Variants in MECOM observed in about 807,000 individuals in gnomAD.
MECOM encodes the protein MDS1 and EVI1 complex locus, also known as histone-lysine N-methyltransferase MECOM.
MECOM carries 13 observed loss-of-function variants against 116.3 expected under a neutral mutation model. The ratio of observed to expected loss-of-function variants is 0.11; its 90% CI spans 0.07 to 0.18. The LOEUF (loss-of-function observed/expected upper bound fraction) is 0.18. MECOM is among the 10% of genes least tolerant of loss of function. The pLI, the probability that MECOM is intolerant of heterozygous loss-of-function variation, is 1.00. For missense variants in MECOM, 1,299 were observed against 1,509.0 expected, an observed-to-expected ratio of 0.86 and a Z score of 2.31; for synonymous variants, 528 against 535.2, an observed-to-expected ratio of 0.99 and a Z score of 0.19.
At chr3:169,312,098 G>C (rs12629664) in intron 2 of MECOM, among the ~76,000 whole-genome samples, 9,544 of 152,192 alleles carry the variant, frequency 0.063, 354 homozygotes, top group East Asian at 0.16. Flanking sequence ...CGCCACTAGA[G>C]AGTCTGGAAC....
intron 1 of MECOM, among the ~76,000 whole-genome samples, chr3:169,522,216 T>C (rs1173672614): frequency 6.6e-6 from 1 of 152,210 alleles, no homozygotes; most frequent in Non-Finnish European, 1.5e-5. Context: ...ATGCTTCTCA[T>C]GGAAAATTAT....
chr3:169,149,931 CTCTCTGTGTGTG>C (rs1399617706), intron 2 of MECOM, among the ~76,000 whole-genome samples: 12 of 124,352 alleles, frequency 9.7e-5, no homozygotes, highest in South Asian at 6.0e-4. Context: ...CTCTTTCTCT[CTCTCTGTGTGTG>C]TGTGTGTGTG....
intron 1 of MECOM, among the ~76,000 whole-genome samples, chr3:169,500,496 C>T (rs1754394255): frequency 6.6e-6 from 1 of 151,896 alleles, no homozygotes; most frequent in South Asian, 2.1e-4. Context: ...ATTTTGAATA[C>T]TGCAAAATAA....
At chr3:169,101,937 G>T in intron 11 of MECOM, 123 bp downstream of exon 11, 1 of 836,026 alleles carries the variant, frequency 1.2e-6, no homozygotes, top group Non-Finnish European at 1.8e-6. Flanking sequence ...TTGAAGTGCT[G>T]GAGATCTATT....
intron 2 of MECOM, among the ~76,000 whole-genome samples, chr3:169,341,414 G>A (rs1285835042): frequency 7.0e-6 from 1 of 143,492 alleles, no homozygotes; most frequent in East Asian, 2.1e-4. Flanking sequence ...GGGGGAGGTG[G>A]AGAGGGTTAA....
chr3:169,112,874 T>C lies in MECOM; in HGVS notation c.2490A>G (p.Arg830=). The change falls in exon 9 of 17, where the codon AGA becomes AGG. Residue 830 remains arginine (R), a splice_region_variant and synonymous_variant. Transcript: ENST00000651503. ...PTPFFMDPIY[R]VEKRKLTDPL... ...GGTCAGTTAGTTTTCTTTTCTCTAC[T>C]CTGAAAGGTTAAAATTAGATTTTGG... 6.2e-7 allele frequency: 1 copy of C among 1,607,338 alleles called. No homozygotes were observed. Among genetic ancestry groups the C allele is most frequent in the Non-Finnish European group, 8.5e-7 (1 of 1,175,116 alleles).
At chr3:169,538,355 T>G (rs1759643552) in intron 1 of MECOM, among the ~76,000 whole-genome samples, 1 of 152,196 alleles carries the variant, frequency 6.6e-6, no homozygotes, top group South Asian at 2.1e-4. Flanking sequence ...CTCTCCACAC[T>G]ATGACAACAC....
intron 2 of MECOM, among the ~76,000 whole-genome samples, chr3:169,331,347 G>C (rs1029094195): frequency 6.6e-6 from 1 of 151,954 alleles, no homozygotes; most frequent in Non-Finnish European, 1.5e-5. Context: ...CTCACCTAAA[G>C]ACTGGGAACC....
chr3:169,524,039 A>ATAT (rs1757688646), intron 1 of MECOM, among the ~76,000 whole-genome samples: 26 of 138,240 alleles, frequency 1.9e-4, no homozygotes, highest in African/African-American at 6.3e-4. Flanking sequence ...TATATGAATA[A>ATAT]ATATATATAT....
intron 2 of MECOM, among the ~76,000 whole-genome samples, chr3:169,248,345 G>C (rs1317450249): frequency 6.6e-6 from 1 of 152,180 alleles, no homozygotes; most frequent in Non-Finnish European, 1.5e-5. Flanking sequence ...CTAAAGCAAA[G>C]CTCAACTCAG....
intron 1 of MECOM, among the ~76,000 whole-genome samples, chr3:169,514,397 A>C (rs1320603771): frequency 6.6e-6 from 1 of 152,176 alleles, no homozygotes; most frequent in African/African-American, 2.4e-5. Flanking sequence ...GTTGGGGGAC[A>C]GAGGGAGTCG....
chr3:169,381,625 G>A (rs962670516), intron 1 of MECOM, 101 bp from the exon 2 acceptor site: 85 of 875,402 alleles, frequency 9.7e-5, no homozygotes, highest in Non-Finnish European at 1.3e-4. Context: ...AGGATAAACA[G>A]GAAAGACCAT....
chr3:169,229,263 T>C (rs1216513901), intron 2 of MECOM, among the ~76,000 whole-genome samples: 1 of 152,150 alleles, frequency 6.6e-6, no homozygotes, highest in Non-Finnish European at 1.5e-5. Context: ...GAAAGTGCCA[T>C]CCACGCATGT....
chr3:169,581,644 T>C (rs1359216813), intron 1 of MECOM, among the ~76,000 whole-genome samples: 1 of 152,190 alleles, frequency 6.6e-6, no homozygotes, highest in African/African-American at 2.4e-5. Context: ...CCTGTCATCT[T>C]GATCTTATTT....
chr3:169,298,884 T>A (rs372592946), intron 2 of MECOM, among the ~76,000 whole-genome samples: 18 of 152,284 alleles, frequency 1.2e-4, no homozygotes, highest in African/African-American at 4.3e-4. Flanking sequence ...CTCAGCATTG[T>A]TCATTTTCAG....
rs1046524367 is a variant in MECOM at position 169,284,193 on chromosome 3, G to T, written c.375+96994C>A. 2.6e-5 allele frequency among the ~76,000 whole-genome samples: 4 copies of T among 152,298 alleles called. No homozygotes were observed. In the East Asian group the frequency reaches 7.7e-4, roughly 29 times the overall value. On this transcript the variant is annotated intron_variant, in intron 2 of 16. Coordinates refer to ENST00000651503, the MANE Select transcript of MECOM (RefSeq NM_004991.4). ...CAAGAACCATGCGATAAGGGAAAAT[G>T]AAGTTTAGGTTACGACACAGGGAAC...
Position 169,327,663 on chromosome 3 carries a change from A to G in MECOM, c.375+53524T>C, listed in dbSNP as rs562159514. On this transcript the variant is annotated intron_variant, in intron 2 of 16. Transcript: ENST00000651503. ...TCAAAAAAAAAAAAAAAAAAGAAAAAAAAGCATAAAAACATTGACCTGTCT... is the reference window on the plus strand; with the variant it reads ...TCAAAAAAAAAAAAAAAAAAGAAAAGAAAGCATAAAAACATTGACCTGTCT... Among the ~76,000 whole-genome samples the G allele has an allele frequency of 1.3e-4, 20 of 152,104 alleles. No homozygotes were observed. The East Asian group carries it at 3.1e-3, about 24-fold the overall frequency.
intron 2 of MECOM, among the ~76,000 whole-genome samples, chr3:169,295,204 C>G (rs1715366108): frequency 6.6e-6 from 1 of 152,050 alleles, no homozygotes; most frequent in African/African-American, 2.4e-5. Flanking sequence ...TGACTTTTAT[C>G]TATTTTATAT....
intron 2 of MECOM, among the ~76,000 whole-genome samples, chr3:169,157,843 C>T (rs1742229018): frequency 6.6e-6 from 1 of 152,096 alleles, no homozygotes; most frequent in South Asian, 2.1e-4. Flanking sequence ...AATGGAAATA[C>T]TTAAAGAGGA....
Sources: gnomAD v4.1 joint callset for allele counts (sites outside exome capture counted in the v4.1 genomes callset) on GRCh38, gnomAD v4.1.1 for gene constraint, MANE v1.5 for transcripts, NCBI Gene and HGNC (gene_info 2026-07-23, HGNC 2026-07-21) for gene names.